Variants in RAI2 observed in about 807,000 individuals in gnomAD.
The protein encoded by RAI2 is retinoic acid-induced protein 2.
In RAI2, 5 loss-of-function variants were observed where a neutral mutation model predicts 15.3. The ratio of observed to expected loss-of-function variants is 0.33; its 90% CI spans 0.17 to 0.69. The LOEUF (loss-of-function observed/expected upper bound fraction) is 0.69. Ranked by LOEUF, RAI2 falls within the 30% of genes least tolerant of loss-of-function variation. RAI2 has a pLI of 0.69. For missense variants in RAI2, 424 were observed against 424.7 expected (o/e 1.00, Z 0.01); for synonymous variants, 191 against 184.0 (o/e 1.04, Z -0.31).
At chrX:17,843,688 T>C (rs1436713171) in intron 1 of RAI2, among the ~76,000 whole-genome samples, 1 of 112,052 alleles carries the variant, frequency 8.9e-6, no homozygotes, top group African/African-American at 3.2e-5. Context: ...GAAATATTGT[T>C]TCAGAAAAAA....
intron 1 of RAI2, among the ~76,000 whole-genome samples, chrX:17,860,358 C>G (rs759340680): frequency 2.7e-5 from 3 of 112,548 alleles, no homozygotes; most frequent in African/African-American, 9.7e-5. Context: ...ATAACTCCCT[C>G]CGCAGCAAAA....
At chrX:17,820,077 G>A in intron 1 of RAI2, among the ~76,000 whole-genome samples, 1 of 112,401 alleles carries the variant, frequency 8.9e-6, no homozygotes, top group African/African-American at 3.2e-5. Flanking sequence ...GCCCAGTGTG[G>A]AGAGGGGAGC....
intron 1 of RAI2, among the ~76,000 whole-genome samples, chrX:17,844,758 G>A (rs963349452): frequency 8.0e-5 from 9 of 112,437 alleles, no homozygotes; most frequent in African/African-American, 2.9e-4. Flanking sequence ...TGTTGGTGAG[G>A]ATAATGAAGA....
chrX:17,821,081 T>C (rs2067159957), intron 1 of RAI2, among the ~76,000 whole-genome samples: 1 of 111,768 alleles, frequency 8.9e-6, no homozygotes, highest in South Asian at 3.8e-4. Context: ...TAGCATTCTT[T>C]TTTTCTTTTT....
chrX:17,833,778 A>C (rs962254937), intron 1 of RAI2, among the ~76,000 whole-genome samples: 3 of 112,261 alleles, frequency 2.7e-5, no homozygotes, highest in Non-Finnish European at 5.6e-5. Context: ...AAAGTAAAAC[A>C]AAACAAAAAT....
chrX:17,805,248 C>T (rs959976179), intron 1 of RAI2, among the ~76,000 whole-genome samples: 2 of 113,078 alleles, frequency 1.8e-5, no homozygotes, highest in Non-Finnish European at 3.7e-5. Flanking sequence ...AGTGCATGTG[C>T]CTGCAGAGGC....
chrX:17,825,549 C>T (rs1748030869), intron 1 of RAI2, among the ~76,000 whole-genome samples: 3 of 112,501 alleles, frequency 2.7e-5, no homozygotes, highest in Non-Finnish European at 3.8e-5. Context: ...CTCAGCCAGC[C>T]ATTCTGCAAT....
At chrX:17,839,387 C>T (rs2067372393) in intron 1 of RAI2, among the ~76,000 whole-genome samples, 1 of 112,436 alleles carries the variant, frequency 8.9e-6, no homozygotes, top group Admixed American at 9.4e-5. Flanking sequence ...ATAATGCTGA[C>T]TTCGTTGCCA....
intron 1 of RAI2, among the ~76,000 whole-genome samples, chrX:17,840,276 A>T (rs2067382274): frequency 9.0e-6 from 1 of 111,073 alleles, no homozygotes; most frequent in African/African-American, 3.3e-5. Context: ...TGGGCATGTG[A>T]CTTCGCCTTG....
Position 17,826,946 on chromosome X carries a change from G to A in RAI2, c.-24-24912C>T, listed in dbSNP as rs748272167. Among the ~76,000 whole-genome samples the A allele has an allele frequency of 1.2e-4, 13 of 112,437 alleles. No individual in the cohort carries two copies. In the East Asian group the frequency reaches 1.4e-3, roughly 12 times the overall value. On this transcript the variant is annotated intron_variant, in intron 1 of 1. Transcript: ENST00000451717. ...TTTCCTTTATAAATTACCCAGTCTC[G>A]AGTAGTTCTTTATAGCAATGTGAAA...
chrX:17,816,011 T>C (rs1156829759), intron 1 of RAI2, among the ~76,000 whole-genome samples: 1 of 109,826 alleles, frequency 9.1e-6, no homozygotes, highest in Non-Finnish European at 1.9e-5. Context: ...TCCTCCTCTT[T>C]CTTGTTCTTT....
intron 1 of RAI2, among the ~76,000 whole-genome samples, chrX:17,815,815 G>A (rs890870455): frequency 9.0e-6 from 1 of 111,199 alleles, no homozygotes; most frequent in African/African-American, 3.3e-5. Context: ...CTTTTAAAGG[G>A]TGTTCAGAAT....
At chrX:17,812,957 G>A (rs2067065811) in intron 1 of RAI2, among the ~76,000 whole-genome samples, 1 of 111,848 alleles carries the variant, frequency 8.9e-6, no homozygotes, top group Admixed American at 9.5e-5. Flanking sequence ...TGGCCACAAG[G>A]GGATGCTGTA....
In RAI2 at chrX:17,800,201, T is replaced by G; in HGVS notation, c.*217A>C. ...AGCTGCAAAAAATGTGCAATCTGCT[T>G]GAAAAATAGGTTGCTCTTATTTACT... On this transcript the variant is annotated 3_prime_UTR_variant, in exon 2 of 2. Coordinates refer to ENST00000451717, the MANE Select transcript of RAI2 (RefSeq NM_021785.6). 1 of 410,328 alleles carries G rather than the reference T, an allele frequency of 2.4e-6. No individual in the cohort carries two copies. The highest frequency in any genetic ancestry group is 3.9e-6 in the Non-Finnish European group (1 of 258,940). 33.8% of individuals were successfully genotyped at this position (410,328 alleles called of 1,213,427 possible). A position where few individuals can be genotyped will look rare whatever the true frequency, so the allele number is the denominator to read the frequency against.
intron 1 of RAI2, among the ~76,000 whole-genome samples, chrX:17,855,174 C>T (rs1049549956): frequency 1.8e-4 from 20 of 111,946 alleles, no homozygotes; most frequent in African/African-American, 5.2e-4. Context: ...TATGTCCTTG[C>T]TCTTGTTCTC....
chrX:17,847,220 C>T (rs1413649506), intron 1 of RAI2, among the ~76,000 whole-genome samples: 1 of 112,245 alleles, frequency 8.9e-6, no homozygotes, highest in Non-Finnish European at 1.9e-5. Flanking sequence ...TTTCTGAATC[C>T]AGCCACTAGC....
At chrX:17,854,019 G>A (rs977144561) in intron 1 of RAI2, among the ~76,000 whole-genome samples, 1 of 111,535 alleles carries the variant, frequency 9.0e-6, no homozygotes, top group African/African-American at 3.3e-5. Context: ...TTTTTTGCTA[G>A]CTGGGCACAC....
At chrX:17,802,143 G>A (rs969923985) in intron 1 of RAI2, 109 bp from the exon 2 acceptor site, 1 of 930,254 alleles carries the variant, frequency 1.1e-6, no homozygotes, top group Non-Finnish European at 1.5e-6. Flanking sequence ...TAACCAGGGA[G>A]CATAACCCAT....
chrX:17,802,161 T>C, intron 1 of RAI2, 127 bp from the exon 2 acceptor site: 1 of 847,073 alleles, frequency 1.2e-6, no homozygotes, highest in Non-Finnish European at 1.6e-6. Context: ...CATCTCTCTA[T>C]GTATATGTTC....
Sources: gnomAD v4.1 joint callset for allele counts (sites outside exome capture counted in the v4.1 genomes callset) on GRCh38, gnomAD v4.1.1 for gene constraint, MANE v1.5 for transcripts, NCBI Gene and HGNC (gene_info 2026-07-23, HGNC 2026-07-21) for gene names.